PAK3: variants seen among roughly 807,000 people sequenced by gnomAD.
PAK3 encodes the protein serine/threonine-protein kinase PAK 3.
Under a neutral mutation model 41.0 loss-of-function variants are expected in PAK3, and 4 were observed. The observed-to-expected ratio is 0.10, with a 90% confidence interval of 0.05 to 0.22. The LOEUF is 0.22. Among genes scored for constraint, PAK3 ranks in the 10% least tolerant of loss-of-function variants. The pLI, the probability that PAK3 is intolerant of heterozygous loss-of-function variation, is 1.00. For synonymous variants in PAK3, 146 were observed against 139.6 expected (o/e 1.05, Z -0.32); for missense variants, 205 against 409.9 (o/e 0.50, Z 4.32).
At chrX:110,957,547 AC>A (rs1442462880) in intron 1 of PAK3, among the ~76,000 whole-genome samples, 10 of 111,859 alleles carry the variant, frequency 8.9e-5, no homozygotes, top group Non-Finnish European at 1.7e-4. Flanking sequence ...GTCCTTCCTC[AC>A]TAGGTGCTTG....
rs993998840 is a variant in PAK3, at chrX:111,018,708, C to T, written c.-28+74080C>T. Among the ~76,000 whole-genome samples the T allele has an allele frequency of 2.7e-5, 3 of 111,595 alleles. No homozygotes were observed. In the Admixed American group the frequency reaches 2.9e-4, roughly 11 times the overall value. On this transcript the variant is annotated intron_variant, in intron 1 of 14. Transcript: ENST00000425146. Reference sequence around the variant, plus strand: ...ATTCAGTGCAATCCTTATCAAAACCCCAGTGACTTTTGTTGCAGAAATAGG... The same window carrying T: ...ATTCAGTGCAATCCTTATCAAAACCTCAGTGACTTTTGTTGCAGAAATAGG...
chrX:111,025,887 A>G (rs2092263255), intron 1 of PAK3, among the ~76,000 whole-genome samples: 1 of 110,972 alleles, frequency 9.0e-6, no homozygotes, highest in Admixed American at 9.6e-5. Context: ...AAAGTAGGAC[A>G]TAGATGCAAA....
intron 17 of PAK3, chrX:111,216,769 A>G (rs1419700047): frequency 4.1e-5 from 8 of 197,223 alleles, no homozygotes; most frequent in African/African-American, 2.2e-4. Flanking sequence ...TAATCTGTAA[A>G]TCTCTTTTGT....
intron 13 of PAK3, among the ~76,000 whole-genome samples, chrX:111,193,028 T>C (rs754814618): frequency 4.5e-5 from 5 of 112,043 alleles, no homozygotes; most frequent in African/African-American, 1.6e-4. Context: ...TCTAGGGAAT[T>C]CAGACTTTAA....
intron 10 of PAK3, among the ~76,000 whole-genome samples, chrX:111,164,138 T>C (rs1023250269): frequency 1.8e-5 from 2 of 111,051 alleles, no homozygotes; most frequent in Non-Finnish European, 3.8e-5. Context: ...TATAGCTTTT[T>C]CCCTTAATTC....
intron 6 of PAK3, among the ~76,000 whole-genome samples, chrX:111,145,182 C>G (rs984062600): frequency 1.4e-4 from 16 of 111,889 alleles, no homozygotes; most frequent in Non-Finnish European, 2.8e-4. Context: ...GCCTTTGTGG[C>G]ATACATTCAA....
chrX:111,026,534 AG>A (rs958784479), intron 1 of PAK3, among the ~76,000 whole-genome samples: 1 of 111,626 alleles, frequency 9.0e-6, no homozygotes, highest in African/African-American at 3.2e-5. Flanking sequence ...GATCAAATAA[AG>A]AACTCAACCC....
intron 1 of PAK3, among the ~76,000 whole-genome samples, chrX:111,006,365 G>C (rs180746874): frequency 1.3e-4 from 15 of 111,698 alleles, no homozygotes; most frequent in East Asian, 2.8e-4. Flanking sequence ...AGTATCTAGC[G>C]GTGAAAGGCA....
At chrX:111,176,006 CT>C in intron 11 of PAK3, among the ~76,000 whole-genome samples, 1 of 111,739 alleles carries the variant, frequency 8.9e-6, no homozygotes, top group Admixed American at 9.5e-5. Context: ...CCCAACACAA[CT>C]TTTTAATACA....
At chrX:111,177,888 GC>G (rs1313382943) in intron 11 of PAK3, among the ~76,000 whole-genome samples, 1 of 111,461 alleles carries the variant, frequency 9.0e-6, no homozygotes, top group African/African-American at 3.3e-5. Flanking sequence ...TGAAAAACAG[GC>G]CTTTTTTTCT....
chrX:111,162,191 C>T (rs1377833911), intron 8 of PAK3, among the ~76,000 whole-genome samples: 1 of 111,924 alleles, frequency 8.9e-6, no homozygotes, highest in Admixed American at 9.5e-5. Context: ...AACTTTGGAA[C>T]CATTTTACCA....
At chrX:111,049,793 G>C (rs2092538153) in intron 1 of PAK3, among the ~76,000 whole-genome samples, 1 of 112,105 alleles carries the variant, frequency 8.9e-6, no homozygotes, top group African/African-American at 3.2e-5. Flanking sequence ...TGATTCCATA[G>C]TTTCTTGCCA....
chrX:110,973,659 A>G (rs1471874573), intron 1 of PAK3, among the ~76,000 whole-genome samples: 1 of 112,279 alleles, frequency 8.9e-6, no homozygotes. Flanking sequence ...GCATCAATTA[A>G]CAGGCAAAAT....
At chrX:110,977,982 T>C (rs953735557) in intron 1 of PAK3, among the ~76,000 whole-genome samples, 8 of 112,448 alleles carry the variant, frequency 7.1e-5, no homozygotes, top group Non-Finnish European at 1.3e-4. Flanking sequence ...GGAAATCTTT[T>C]AGTCTTTCAC....
chrX:111,080,857 A>G (rs991239977), intron 1 of PAK3, among the ~76,000 whole-genome samples: 9 of 112,242 alleles, frequency 8.0e-5, no homozygotes, highest in Non-Finnish European at 1.5e-4. Flanking sequence ...ATGACTGGAT[A>G]AAGAAAATGT....
intron 11 of PAK3, among the ~76,000 whole-genome samples, chrX:111,178,672 A>G (rs2094432037): frequency 9.0e-6 from 1 of 110,562 alleles, no homozygotes; most frequent in Non-Finnish European, 1.9e-5. Flanking sequence ...AGAAATTACA[A>G]AGATCTCTGT....
intron 1 of PAK3, among the ~76,000 whole-genome samples, chrX:110,973,451 A>C (rs1289446029): frequency 8.9e-6 from 1 of 112,088 alleles, no homozygotes; most frequent in African/African-American, 3.3e-5. Flanking sequence ...AGAATTTCAT[A>C]TCCAGCCAAA....
At chrX:111,200,454 A>G (rs890976115) in intron 16 of PAK3, among the ~76,000 whole-genome samples, 1 of 111,892 alleles carries the variant, frequency 8.9e-6, no homozygotes, top group East Asian at 2.8e-4. Context: ...CTCTGATCTC[A>G]TGCAACAATC....
chrX:111,059,442 G>T (rs1435474922), intron 1 of PAK3, among the ~76,000 whole-genome samples: 1 of 111,407 alleles, frequency 9.0e-6, no homozygotes, highest in Non-Finnish European at 1.9e-5. Flanking sequence ...AAAGTGCTGG[G>T]ATTACAGGCA....
Sources: allele counts gnomAD v4.1 joint callset (sites outside exome capture counted in the v4.1 genomes callset), GRCh38; gene constraint gnomAD v4.1.1; transcripts MANE v1.5; gene names NCBI Gene and HGNC (gene_info 2026-07-23, HGNC 2026-07-21).